Variants in TFAP2B observed in about 807,000 individuals in gnomAD.
The protein encoded by TFAP2B is transcription factor AP-2 beta.
Under a neutral mutation model 44.3 loss-of-function variants are expected in TFAP2B, and 9 were observed. The observed-to-expected ratio is 0.20, with a 90% CI of 0.12 to 0.35. The LOEUF (loss-of-function observed/expected upper bound fraction) is 0.35. TFAP2B is among the 10% of genes least tolerant of loss of function. The pLI is 1.00. For synonymous variants in TFAP2B, 270 were observed against 263.8 expected (o/e 1.02, Z -0.23); for missense variants, 509 against 600.0 (o/e 0.85, Z 1.59).
intron 4 of TFAP2B, among the ~76,000 whole-genome samples, 162 bp downstream of exon 4, chr6:50,836,442 G>T (rs1403374801): frequency 6.6e-6 from 1 of 152,240 alleles, no homozygotes; most frequent in Non-Finnish European, 1.5e-5. Flanking sequence ...TTCGCGCAGC[G>T]CTTGGGAGGA....
intron 3 of TFAP2B, among the ~76,000 whole-genome samples, chr6:50,831,616 T>TA (rs1770681280): frequency 1.3e-5 from 2 of 151,884 alleles, no homozygotes; most frequent in African/African-American, 4.8e-5. Flanking sequence ...AACGAGACAT[T>TA]AAAAAATCAT....
intron 3 of TFAP2B, among the ~76,000 whole-genome samples, chr6:50,830,072 T>C (rs369504089): frequency 1.3e-5 from 2 of 152,204 alleles, no homozygotes; most frequent in East Asian, 3.8e-4. Flanking sequence ...GACAGCTCAC[T>C]TTTCCTGTTT....
intron 3 of TFAP2B, among the ~76,000 whole-genome samples, chr6:50,835,514 G>A (rs549867158): frequency 6.6e-6 from 1 of 152,268 alleles, no homozygotes; most frequent in East Asian, 1.9e-4. Context: ...TATCTGATGG[G>A]GTCCACCCTC....
At position 50,818,933 on chromosome 6, in the gene TFAP2B, G is replaced by T; in HGVS notation, c.42G>T (p.Trp14Cys). Residue 14 changes from tryptophan (W) to cysteine (C), a missense_variant, in exon 1 of 7, where the codon TGG becomes TGT. By Grantham distance (215) the Trp-to-Cys change is radical. This residue lies in a region of TFAP2B where 296 missense variants were observed against 308.2 expected (regional missense o/e 0.96). Transcript: ENST00000393655. Reference sequence around the variant, plus strand: ...GAGACCAGGCTGCCATCATGCTCTGGAAGCTTGTGGAGAATGTCAAGTACG... The same window carrying T: ...GAGACCAGGCTGCCATCATGCTCTGTAAGCTTGTGGAGAATGTCAAGTACG... ...PPRDQAAIMLWKLVENVKYED... is the reference protein window; with the variant it reads ...PPRDQAAIMLCKLVENVKYED... The T allele has an allele frequency of 6.2e-7, 1 of 1,614,096 alleles. No individual in the cohort carries two copies. The highest frequency in any genetic ancestry group is 8.5e-7 in the Non-Finnish European group (1 of 1,180,012).
chr6:50,822,211 GTCTC>G (rs1050806673), intron 1 of TFAP2B: 5 of 1,258,590 alleles, frequency 4.0e-6, no homozygotes, highest in African/African-American at 1.5e-5. Flanking sequence ...TCCTCTCACT[GTCTC>G]TCTGTCTCTG....
chr6:50,828,806 A>G, intron 3 of TFAP2B, 127 bp downstream of exon 3: 1 of 1,122,122 alleles, frequency 8.9e-7, no homozygotes, highest in Non-Finnish European at 1.3e-6. Context: ...ATTATAGGAC[A>G]ATGGCTGTCA....
intron 2 of TFAP2B, among the ~76,000 whole-genome samples, chr6:50,827,394 A>G (rs1242332739): frequency 6.6e-6 from 1 of 152,220 alleles, no homozygotes; most frequent in East Asian, 1.9e-4. Context: ...AATTTTGCTC[A>G]CTTTTCTGAG....
Position 50,845,004 on chromosome 6 carries a change from T to C in TFAP2B, c.*1612T>C, listed in dbSNP as rs1762816541. The C allele has an allele frequency of 6.6e-6, 1 of 152,182 alleles. No individual in the cohort carries two copies. The highest frequency in any genetic ancestry group is 2.1e-4 in the South Asian group (1 of 4,832). The allele number at this position is 152,182 out of a possible 1,614,324, so 9.4% of individuals were successfully genotyped here. A position where few individuals can be genotyped will look rare whatever the true frequency, so the allele number is the denominator to read the frequency against. On this transcript the variant is annotated 3_prime_UTR_variant, in exon 7 of 7. Transcript: ENST00000393655. The stretch of plus-strand genomic sequence containing the variant: ...TTCCCAGTGGATAAAGTTTCATGCA[T>C]TTAATATTTCTCACTTCTGGCAGCC...
intron 2 of TFAP2B, 40 bp downstream of exon 2, chr6:50,823,905 C>T (rs774111813): frequency 3.2e-5 from 49 of 1,531,144 alleles, no homozygotes; most frequent in Non-Finnish European, 3.9e-5. Flanking sequence ...AAAAAGACCA[C>T]GAATAAGGAA....
intron 4 of TFAP2B, among the ~76,000 whole-genome samples, chr6:50,837,008 C>T (rs1260806456): frequency 1.3e-5 from 2 of 152,160 alleles, no homozygotes; most frequent in Non-Finnish European, 2.9e-5. Flanking sequence ...TAATGCCTCC[C>T]TTGAAGTCCC....
intron 3 of TFAP2B, among the ~76,000 whole-genome samples, chr6:50,831,407 C>T (rs1430767014): frequency 2.6e-5 from 4 of 152,150 alleles, no homozygotes; most frequent in African/African-American, 9.7e-5. Flanking sequence ...CTCTTAGCTG[C>T]CCCATTAGAG....
rs902818600 is a variant in TFAP2B at position 50,844,040 on chromosome 6, G to A, written c.*648G>A. ...CTTAACTCACCGGGCCCGGCTCCCC[G>A]GCCGCTTGCATAATTAGGGAGGGCG... On this transcript the variant is annotated 3_prime_UTR_variant, in exon 7 of 7. Coordinates refer to ENST00000393655, the MANE Select transcript of TFAP2B (RefSeq NM_003221.4). 1 of 152,366 alleles carries A rather than the reference G, an allele frequency of 6.6e-6. No homozygotes were observed. Among genetic ancestry groups the A allele is most frequent in the Non-Finnish European group, 1.5e-5 (1 of 68,238 alleles). The allele number at this position is 152,366 out of a possible 1,614,324, so 9.4% of individuals were successfully genotyped here.
chr6:50,835,913 GCACTGCAGCCC>G (rs1762610905), intron 3 of TFAP2B, 137 bp from the exon 4 acceptor site: 1 of 762,836 alleles, frequency 1.3e-6, no homozygotes. Flanking sequence ...CTCTCTGAAC[GCACTGCAGCCC>G]CACTGGAATA....
chr6:50,831,410 C>T (rs977883006), intron 3 of TFAP2B, among the ~76,000 whole-genome samples: 9 of 152,168 alleles, frequency 5.9e-5, no homozygotes, highest in Admixed American at 5.2e-4. Flanking sequence ...TTAGCTGCCC[C>T]ATTAGAGCTC....
chr6:50,818,776 A>G, upstream of TFAP2B: 6 of 850,168 alleles, frequency 7.1e-6, no homozygotes. Flanking sequence ...GACAACAGAT[A>G]TAAGTTGCGA....
chr6:50,837,740 T>C (rs1028207504), intron 4 of TFAP2B, among the ~76,000 whole-genome samples: 3 of 152,016 alleles, frequency 2.0e-5, no homozygotes, highest in African/African-American at 7.3e-5. Flanking sequence ...GTATCCTTTT[T>C]TTTTCTTTTC....
intron 6 of TFAP2B, among the ~76,000 whole-genome samples, chr6:50,840,883 C>T (rs187683296): frequency 6.9e-4 from 105 of 152,342 alleles, no homozygotes; most frequent in African/African-American, 2.4e-3. Context: ...CTGTCTTTGG[C>T]TTCGGTGTCA....
chr6:50,843,952 A>C lies in TFAP2B; in HGVS notation c.*560A>C, dbSNP rs1246250018. The C allele has an allele frequency of 2.6e-5, 4 of 155,100 alleles. No homozygotes were observed. Among genetic ancestry groups the C allele is most frequent in the Admixed American group, 6.5e-5 (1 of 15,458 alleles). 9.6% of individuals were successfully genotyped at this position (155,100 alleles called of 1,614,324 possible). A position where few individuals can be genotyped will look rare whatever the true frequency, so the allele number is the denominator to read the frequency against. ...ACGGGAATCTTCTGGGATGAAAATG[A>C]GTGTGGTTGGCCCTTTTGCGTTGTT... On this transcript the variant is annotated 3_prime_UTR_variant, in exon 7 of 7. Coordinates refer to ENST00000393655, the MANE Select transcript of TFAP2B (RefSeq NM_003221.4).
intron 1 of TFAP2B, among the ~76,000 whole-genome samples, chr6:50,823,126 G>T (rs552345184): frequency 1.3e-5 from 2 of 152,166 alleles, no homozygotes; most frequent in South Asian, 4.2e-4. Flanking sequence ...CCCAAAAAGC[G>T]GCTAAAATGT....
Sources: allele counts gnomAD v4.1 joint callset (sites outside exome capture counted in the v4.1 genomes callset), GRCh38; gene constraint gnomAD v4.1.1; regional missense constraint gnomAD v4.1.1; transcripts MANE v1.5; gene names NCBI Gene and HGNC (gene_info 2026-07-23, HGNC 2026-07-21).